Variants in MCPH1 observed in about 807,000 individuals in gnomAD.
The protein encoded by MCPH1 is microcephalin 1.
MCPH1 carries 104 observed loss-of-function variants against 84.5 expected under a neutral mutation model. The ratio of observed to expected loss-of-function variants is 1.23; its 90% confidence interval spans 1.05 to 1.45. The LOEUF (loss-of-function observed/expected upper bound fraction) is 1.45, where lower values mean the gene tolerates loss of function less well. Ranked by LOEUF, MCPH1 falls within the 40% of genes most tolerant of loss-of-function variation. The pLI is 0.00. For missense variants in MCPH1, 1,498 were observed against 1,005.7 expected, an observed-to-expected ratio of 1.49 and a Z score of -6.62; for synonymous variants, 514 against 366.8, an observed-to-expected ratio of 1.40 and a Z score of -4.58.
At chr8:6,555,005 C>T (rs1355409763) in intron 12 of MCPH1, among the ~76,000 whole-genome samples, 1 of 152,162 alleles carries the variant, frequency 6.6e-6, no homozygotes, top group Non-Finnish European at 1.5e-5. Context: ...AGAGTCCAGG[C>T]AGTGGTAGGC....
chr8:6,439,721 G>A (rs1189511132), intron 6 of MCPH1, among the ~76,000 whole-genome samples: 3 of 152,022 alleles, frequency 2.0e-5, no homozygotes, highest in Non-Finnish European at 4.4e-5. Context: ...GTCTTTTGAA[G>A]GAATTTGCTT....
chr8:6,643,308 A>C lies in MCPH1; in HGVS notation c.*259A>C. On this transcript the variant is annotated 3_prime_UTR_variant, in exon 14 of 14. Coordinates refer to ENST00000344683, the MANE Select transcript of MCPH1 (RefSeq NM_024596.5). Reference sequence around the variant, plus strand: ...GAGACGGAGTCCTGCCCTGTTTCCCAGGCTGGAGTGCAATGGCACAATCTC... The same window carrying C: ...GAGACGGAGTCCTGCCCTGTTTCCCCGGCTGGAGTGCAATGGCACAATCTC... The C allele has an allele frequency of 2.1e-6, 1 of 474,272 alleles. No individual in the cohort carries two copies. 29.4% of individuals were successfully genotyped at this position (474,272 alleles called of 1,614,324 possible).
chr8:6,474,633 T>C (rs1356262301), intron 9 of MCPH1, among the ~76,000 whole-genome samples: 1 of 152,236 alleles, frequency 6.6e-6, no homozygotes, highest in Non-Finnish European at 1.5e-5. Flanking sequence ...TCTTAAACTT[T>C]ACGAGTAACG....
At chr8:6,475,855 G>A (rs991675721) in intron 9 of MCPH1, among the ~76,000 whole-genome samples, 1 of 152,186 alleles carries the variant, frequency 6.6e-6, no homozygotes, top group African/African-American at 2.4e-5. Context: ...CATGTGGGGT[G>A]TGGGGTTGGC....
At chr8:6,456,502 C>T (rs1472060664) in intron 9 of MCPH1, among the ~76,000 whole-genome samples, 6 of 152,288 alleles carry the variant, frequency 3.9e-5, no homozygotes, top group Admixed American at 2.0e-4. Flanking sequence ...CATCTACTAC[C>T]GTTCCCGTGC....
chr8:6,519,620 C>G (rs2515437), intron 12 of MCPH1, among the ~76,000 whole-genome samples: 10,917 of 152,232 alleles, frequency 0.072, 478 homozygotes, highest in African/African-American at 0.12. Flanking sequence ...GAATGTATTT[C>G]TTGCCGAAGA....
At position 6,438,987 on chromosome 8, in the gene MCPH1, T is replaced by C. The variant is rs1803081002; in HGVS notation, c.471T>C (p.Asn157=). The C allele has an allele frequency of 6.2e-7, 1 of 1,611,796 alleles. No individual in the cohort carries two copies. The change falls in exon 6 of 14, where the codon AAT becomes AAC. Residue 157 remains asparagine, a synonymous_variant. Transcript: ENST00000344683. ...TACCTATTCTCTTATTTGAATCTAA[T>C]GGTTCATTAATATATACTCCCACAA... ...DDVPILLFES[N]GSLIYTPTIE... is the part of the protein sequence containing the mutation.
In MCPH1 at chr8:6,545,860, A is replaced by T. The variant is rs146178375; in HGVS notation, c.2214+45931A>T. Among the ~76,000 whole-genome samples, 258 of 152,390 alleles carry T rather than the reference A, an allele frequency of 1.7e-3. 3 individuals are homozygous for T. Among genetic ancestry groups the T allele is most frequent in the African/African-American group, 6.1e-3 (252 of 41,598 alleles). ...GAGAAAAGTGAAATCGATTGAATTT[A>T]GTTCTGCTTTGAGCTACTGCAATGC... On this transcript the variant is annotated intron_variant, in intron 12 of 13. Coordinates refer to ENST00000344683, the MANE Select transcript of MCPH1 (RefSeq NM_024596.5).
At chr8:6,424,617 T>A (rs950592829) in intron 3 of MCPH1, among the ~76,000 whole-genome samples, 10 of 152,228 alleles carry the variant, frequency 6.6e-5, no homozygotes, top group African/African-American at 2.4e-4. Flanking sequence ...GGAACGTCCC[T>A]CAGTTTGGAA....
chr8:6,479,600 A>G (rs977025540), intron 10 of MCPH1, among the ~76,000 whole-genome samples: 2 of 151,620 alleles, frequency 1.3e-5, no homozygotes, highest in Admixed American at 6.6e-5. Flanking sequence ...ACGCCCGGCT[A>G]ATTTTTTTGT....
At chr8:6,513,113 C>T (rs966873688) in intron 12 of MCPH1, among the ~76,000 whole-genome samples, 8 of 152,176 alleles carry the variant, frequency 5.3e-5, no homozygotes, top group Non-Finnish European at 1.0e-4. Flanking sequence ...CAATTATCTA[C>T]CAGGCAGAGT....
chr8:6,433,829 T>G (rs1802225410), intron 4 of MCPH1, among the ~76,000 whole-genome samples: 1 of 152,088 alleles, frequency 6.6e-6, no homozygotes, highest in African/African-American at 2.4e-5. Context: ...ACTCAAGGCC[T>G]TATTCTTTTG....
chr8:6,535,652 A>G (rs1363833164), intron 12 of MCPH1, among the ~76,000 whole-genome samples: 1 of 152,194 alleles, frequency 6.6e-6, no homozygotes, highest in Non-Finnish European at 1.5e-5. Flanking sequence ...ATAAAAGAAA[A>G]TTCTGTGTGA....
chr8:6,482,809 G>A (rs1809404778), intron 11 of MCPH1, among the ~76,000 whole-genome samples: 2 of 152,260 alleles, frequency 1.3e-5, no homozygotes, highest in South Asian at 2.1e-4. Context: ...ATATGATAAA[G>A]GTGGGCATTA....
chr8:6,592,623 G>GTTTTTTTTTTTTTTTTTTTT (rs573651366), intron 12 of MCPH1, among the ~76,000 whole-genome samples: 32 of 77,572 alleles, frequency 4.1e-4, no homozygotes, highest in Middle Eastern at 7.1e-3. Context: ...TCTTTTTTTT[G>GTTTTTTTTTTTTTTTTTTTT]TTTTTTTTTT....
intron 3 of MCPH1, among the ~76,000 whole-genome samples, chr8:6,423,471 C>G (rs922118117): frequency 6.6e-6 from 1 of 152,166 alleles, no homozygotes; most frequent in African/African-American, 2.4e-5. Context: ...GGCCCATACA[C>G]TTTAGTCAAC....
intron 13 of MCPH1, among the ~76,000 whole-genome samples, chr8:6,629,963 G>A (rs948544465): frequency 1.3e-5 from 2 of 152,226 alleles, no homozygotes; most frequent in Non-Finnish European, 2.9e-5. Context: ...GTCTCAGACT[G>A]TACCACAGAA....
At chr8:6,570,808 T>G (rs910908416) in intron 12 of MCPH1, among the ~76,000 whole-genome samples, 43 of 111,530 alleles carry the variant, frequency 3.9e-4, no homozygotes, top group African/African-American at 2.3e-3. Context: ...TTGTTGTTTT[T>G]TTTTTTTTTT....
At chr8:6,588,428 A>C (rs1242896353) in intron 12 of MCPH1, among the ~76,000 whole-genome samples, 2 of 151,922 alleles carry the variant, frequency 1.3e-5, no homozygotes, top group African/African-American at 4.8e-5. Context: ...GTACTTTATG[A>C]TTGCGAGGAA....
Sources: gnomAD v4.1 joint callset for allele counts (sites outside exome capture counted in the v4.1 genomes callset) on GRCh38, gnomAD v4.1.1 for gene constraint, MANE v1.5 for transcripts, NCBI Gene and HGNC (gene_info 2026-07-23, HGNC 2026-07-21) for gene names.